Variants in PLCG1 observed in about 807,000 individuals in gnomAD.
PLCG1 encodes the protein 1-phosphatidylinositol 4,5-bisphosphate phosphodiesterase gamma-1.
In PLCG1, 71 loss-of-function variants were observed where a neutral mutation model predicts 177.8. The observed-to-expected ratio is 0.40, with a 90% CI of 0.33 to 0.49. The LOEUF is 0.49. Ranked by LOEUF, PLCG1 falls within the 20% of genes least tolerant of loss-of-function variation. The pLI, the probability that PLCG1 is intolerant of heterozygous loss-of-function variation, is 0.72. For synonymous variants in PLCG1, 658 were observed against 647.9 expected, an observed-to-expected ratio of 1.02 and a Z score of -0.24; for missense variants, 1,281 against 1,709.0, an observed-to-expected ratio of 0.75 and a Z score of 4.42.
rs1469538624 is a variant in PLCG1, at chr20:41,156,822, C to T, written c.218-2784C>T. ...ACTGTGCCAGACTGGATCATTCGCT[C>T]TGTCACCTGCCACCAGGGCAGAGGC... On this transcript the variant is annotated intron_variant, in intron 1 of 31. Coordinates refer to ENST00000685551, the MANE Select transcript of PLCG1 (RefSeq NM_002660.3). This position sits in a 1 kb window ranked among gnomAD's most constrained non-coding sequence, Gnocchi z 5.0. Among the ~76,000 whole-genome samples the T allele has an allele frequency of 6.6e-6, 1 of 152,246 alleles. No homozygotes were observed. The highest frequency in any genetic ancestry group is 6.5e-5 in the Admixed American group (1 of 15,292).
In PLCG1 at chr20:41,151,269, C is replaced by T. The variant is rs952580258; in HGVS notation, c.218-8337C>T. 6.6e-6 allele frequency among the ~76,000 whole-genome samples: 1 copy of T among 152,182 alleles called. No individual in the cohort carries two copies. Among genetic ancestry groups the T allele is most frequent in the African/African-American group, 2.4e-5 (1 of 41,446 alleles). ...TCAGGGATAGCAGCTGCTGTGGGGA[C>T]ACTGCAGAGTGTCCCAGTTCTGCCA... On this transcript the variant is annotated intron_variant, in intron 1 of 31. Coordinates refer to ENST00000685551, the MANE Select transcript of PLCG1 (RefSeq NM_002660.3). This position sits in a 1 kb window ranked among gnomAD's most constrained non-coding sequence, Gnocchi z 5.5.
rs1416323576 is a variant in PLCG1, at chr20:41,163,146, G to A, written c.717-57G>A. On this transcript the variant is annotated intron_variant, in intron 7 of 31. Transcript: ENST00000685551. This position sits in a 1 kb window ranked among gnomAD's most constrained non-coding sequence, Gnocchi z 5.2. ...GGCTGGGAGTTGGGTTCTGCCTTCC[G>A]TGGGGCACCTTGTTGTCTGTTGACC... is the stretch of plus-strand genomic sequence containing the variant. 4.6e-6 allele frequency: 7 copies of A among 1,531,444 alleles called. No individual in the cohort carries two copies. Among genetic ancestry groups the A allele is most frequent in the African/African-American group, 2.7e-5 (2 of 72,786 alleles). The allele number at this position is 1,531,444 out of a possible 1,614,324, so 94.9% of individuals were successfully genotyped here.
rs145031121 is a variant in PLCG1, at chr20:41,163,240, C to T, written c.754C>T (p.Pro252Ser). The T allele has an allele frequency of 1.3e-6, 2 of 1,552,620 alleles. No individual in the cohort carries two copies. The highest frequency in any genetic ancestry group is 1.3e-5 in the South Asian group (1 of 79,800). ...GCCGGAGCTTTGCCGAGTGTCCCTT[C>T]CTGAGTTCCAGCAGTTCCTTCTTGA... The part of the protein sequence containing the change: ...ERPELCRVSL[P>S]EFQQFLLDYQ... The change falls in exon 8 of 32, where the codon CCT becomes TCT. Residue 252 changes from proline to serine, a missense_variant. Coordinates refer to ENST00000685551, the MANE Select transcript of PLCG1 (RefSeq NM_002660.3). This position sits in a 1 kb window ranked among gnomAD's most constrained non-coding sequence, Gnocchi z 5.2.
rs190378028 is a variant in PLCG1, at chr20:41,174,117, G to A, written c.3646-7G>A. 23 of 1,612,556 alleles carry A rather than the reference G, an allele frequency of 1.4e-5. No homozygotes were observed. Among genetic ancestry groups the A allele is most frequent in the East Asian group, 4.5e-5 (2 of 44,826 alleles). ...TTGACCCTCTTGTGCACCTGGCTTC[G>A]TTGAAGCAGGAGAATGGTGACCTCA... On this transcript the variant is annotated splice_polypyrimidine_tract_variant and splice_region_variant and intron_variant, in intron 30 of 31. Coordinates refer to ENST00000685551, the MANE Select transcript of PLCG1 (RefSeq NM_002660.3). The surrounding 1 kb of genome is among the most constrained non-coding windows in gnomAD (Gnocchi z 5.8).
chr20:41,147,792 G>A lies in PLCG1; in HGVS notation c.217+9934G>A, dbSNP rs538812973. 6.6e-5 allele frequency among the ~76,000 whole-genome samples: 10 copies of A among 152,072 alleles called. No homozygotes were observed. The South Asian group carries it at 1.9e-3, about 29-fold the overall frequency. ...GAACCCGGGAGGCAGAGGTTGCAGTGAGCCAAGATCGCGCCATTGCACTCC... is the reference window on the plus strand; with the variant it reads ...GAACCCGGGAGGCAGAGGTTGCAGTAAGCCAAGATCGCGCCATTGCACTCC... On this transcript the variant is annotated intron_variant, in intron 1 of 31. Coordinates refer to ENST00000685551, the MANE Select transcript of PLCG1 (RefSeq NM_002660.3). The surrounding 1 kb of genome is among the most constrained non-coding windows in gnomAD (Gnocchi z 4.0).
In PLCG1 at chr20:41,164,741, G is replaced by C. The variant is rs901432264; in HGVS notation, c.1218-192G>C. Among the ~76,000 whole-genome samples, 4 of 152,146 alleles carry C rather than the reference G, an allele frequency of 2.6e-5. No homozygotes were observed. The highest frequency in any genetic ancestry group is 6.5e-5 in the Admixed American group (1 of 15,286). ...GGGACTGCATCAGTTGCCACCCTTT[G>C]GTTTCCACTGCTGCCACAGCTGTAG... On this transcript the variant is annotated intron_variant, in intron 12 of 31. Transcript: ENST00000685551. The surrounding 1 kb of genome is among the most constrained non-coding windows in gnomAD (Gnocchi z 6.4).
At chr20:41,149,095 A>G (rs1437612756) in intron 1 of PLCG1, among the ~76,000 whole-genome samples, 1 of 152,220 alleles carries the variant, frequency 6.6e-6, no homozygotes, top group Non-Finnish European at 1.5e-5. Context: ...TATGCAAGAA[A>G]TTAGTGTTAG....
chr20:41,154,828 C>G (rs1314719026), intron 1 of PLCG1, among the ~76,000 whole-genome samples: 1 of 152,226 alleles, frequency 6.6e-6, no homozygotes, highest in Non-Finnish European at 1.5e-5. Context: ...TACTCTCCTG[C>G]AGAGGCAGGT....
In PLCG1 at chr20:41,174,262, C is replaced by T. The variant is rs771065174; in HGVS notation, c.3784C>T (p.Arg1262Cys). 17 of 1,614,086 alleles carry T rather than the reference C, an allele frequency of 1.1e-5. No individual in the cohort carries two copies. Among genetic ancestry groups the T allele is most frequent in the African/African-American group, 5.3e-5 (4 of 74,930 alleles). The change falls in exon 31 of 32, where the codon CGC becomes TGC. Residue 1262 changes from arginine to cysteine, a missense_variant. By Grantham distance (180) the Arg-to-Cys change is radical. Around this residue, in one of 4 missense-constraint regions of PLCG1, gnomAD observed 153 missense variants for 153.2 expected, o/e 1.00. Coordinates refer to ENST00000685551, the MANE Select transcript of PLCG1 (RefSeq NM_002660.3). This position sits in a 1 kb window ranked among gnomAD's most constrained non-coding sequence, Gnocchi z 5.8. ...CTACCAGCAGCCGTTTGAGGACTTCCGCATCTCCCAGGAGCATCTCGCAGA... is the reference window on the plus strand; with the variant it reads ...CTACCAGCAGCCGTTTGAGGACTTCTGCATCTCCCAGGAGCATCTCGCAGA... ...SRYQQPFEDFRISQEHLADHF... is the reference protein window; with the variant it reads ...SRYQQPFEDFCISQEHLADHF...
chr20:41,168,984 A>T, intron 21 of PLCG1, 95 bp from the exon 22 acceptor site: 1 of 1,199,280 alleles, frequency 8.3e-7, no homozygotes. Flanking sequence ...TGCCTGCCTC[A>T]CCCTGGCTTA....
At position 41,153,734 on chromosome 20, in the gene PLCG1, A is replaced by G. The variant is rs1306828714; in HGVS notation, c.218-5872A>G. 1.3e-5 allele frequency among the ~76,000 whole-genome samples: 2 copies of G among 152,150 alleles called. No individual in the cohort carries two copies. The highest frequency in any genetic ancestry group is 2.4e-5 in the African/African-American group (1 of 41,430). On this transcript the variant is annotated intron_variant, in intron 1 of 31. Coordinates refer to ENST00000685551, the MANE Select transcript of PLCG1 (RefSeq NM_002660.3). The surrounding 1 kb of genome is among the most constrained non-coding windows in gnomAD (Gnocchi z 5.1). ...AACATGGTGAAACCCCGTCTCTACT[A>G]AAAATACAAAAATCAGCTGGGCATG...
rs1279336210 is a variant in PLCG1, at chr20:41,147,737, A to T, written c.217+9879A>T. Among the ~76,000 whole-genome samples the T allele has an allele frequency of 6.6e-6, 1 of 151,980 alleles. No homozygotes were observed. The highest frequency in any genetic ancestry group is 1.9e-4 in the East Asian group (1 of 5,186). ...GGTGTCAGGCGCCTGTAACCCAGCTACTCAGGAAGCTGAGGCAGGATAATT... is the reference window on the plus strand; with the variant it reads ...GGTGTCAGGCGCCTGTAACCCAGCTTCTCAGGAAGCTGAGGCAGGATAATT... On this transcript the variant is annotated intron_variant, in intron 1 of 31. Transcript: ENST00000685551. This position sits in a 1 kb window ranked among gnomAD's most constrained non-coding sequence, Gnocchi z 4.0.
In PLCG1 at chr20:41,162,236, T is replaced by G. The variant is rs953971509; in HGVS notation, c.513-216T>G. On this transcript the variant is annotated intron_variant, in intron 4 of 31. Coordinates refer to ENST00000685551, the MANE Select transcript of PLCG1 (RefSeq NM_002660.3). ...GTTTTTTTTGTTTGTTTTGTTTTTGTTTTTTTTTTTTTTTTTTTTGCTCAG... is the reference window on the plus strand; with the variant it reads ...GTTTTTTTTGTTTGTTTTGTTTTTGGTTTTTTTTTTTTTTTTTTTGCTCAG... 45 of 89,310 alleles carry G rather than the reference T, an allele frequency of 5.0e-4. 1 individual carries two copies. The South Asian group carries it at 0.011, about 22-fold the overall frequency. The allele number at this position is 89,310 out of a possible 1,614,324, so 5.5% of individuals were successfully genotyped here.
At chr20:41,171,550 G>C (rs2035896252) in intron 24 of PLCG1, among the ~76,000 whole-genome samples, 1 of 127,160 alleles carries the variant, frequency 7.9e-6, no homozygotes, top group Non-Finnish European at 1.6e-5. Context: ...TCACGCCACT[G>C]AACTCCAGCC....
chr20:41,160,730 G>T lies in PLCG1; in HGVS notation c.512+577G>T, dbSNP rs1351312651. ...GAGGGCTTGGATCATGATGGTAATG[G>T]TAGGAAGTGGCTGGATTTTGGCCAT... is the stretch of plus-strand genomic sequence containing the variant. On this transcript the variant is annotated intron_variant, in intron 4 of 31. Transcript: ENST00000685551. The surrounding 1 kb of genome is among the most constrained non-coding windows in gnomAD (Gnocchi z 5.5). 6.6e-6 allele frequency among the ~76,000 whole-genome samples: 1 copy of T among 152,190 alleles called. No homozygotes were observed. The highest frequency in any genetic ancestry group is 1.9e-4 in the East Asian group (1 of 5,194).
Position 41,157,134 on chromosome 20 carries a change from A to C in PLCG1, c.218-2472A>C, listed in dbSNP as rs2866371. Among the ~76,000 whole-genome samples the C allele has an allele frequency of 2.0e-5, 3 of 151,948 alleles. No homozygotes were observed. Among genetic ancestry groups the C allele is most frequent in the African/African-American group, 7.3e-5 (3 of 41,282 alleles). On this transcript the variant is annotated intron_variant, in intron 1 of 31. Coordinates refer to ENST00000685551, the MANE Select transcript of PLCG1 (RefSeq NM_002660.3). This position sits in a 1 kb window ranked among gnomAD's most constrained non-coding sequence, Gnocchi z 5.4. Reference sequence around the variant, plus strand: ...GCTGCGCTATGCTTACCTGGTTCCTATCTCAGGCACCTGTTCTGCCTTCAA... The same window carrying C: ...GCTGCGCTATGCTTACCTGGTTCCTCTCTCAGGCACCTGTTCTGCCTTCAA...
Position 41,158,093 on chromosome 20 carries a change from G to C in PLCG1, c.218-1513G>C, listed in dbSNP as rs1331103981. Among the ~76,000 whole-genome samples the C allele has an allele frequency of 2.0e-5, 3 of 152,190 alleles. No homozygotes were observed. In the East Asian group the frequency reaches 5.8e-4, roughly 29 times the overall value. ...GGACAGGTGGTTCCAGGTAGAACCAGAAATGTGTCGGGGAGCTAGGGTTAG... is the reference window on the plus strand; with the variant it reads ...GGACAGGTGGTTCCAGGTAGAACCACAAATGTGTCGGGGAGCTAGGGTTAG... On this transcript the variant is annotated intron_variant, in intron 1 of 31. Transcript: ENST00000685551.
intron 21 of PLCG1, 83 bp from the exon 22 acceptor site, chr20:41,168,996 G>T (rs1210224649): frequency 3.2e-6 from 4 of 1,238,822 alleles, no homozygotes; most frequent in Non-Finnish European, 4.8e-6. Context: ...CCTGGCTTAG[G>T]CATGGGAACC....
intron 1 of PLCG1, among the ~76,000 whole-genome samples, chr20:41,139,456 G>A (rs1385968081): frequency 6.6e-6 from 1 of 152,130 alleles, no homozygotes; most frequent in Non-Finnish European, 1.5e-5. Flanking sequence ...TTTAAACCAC[G>A]CATATTAGCA....
Sources: gnomAD v4.1 joint callset for allele counts (sites outside exome capture counted in the v4.1 genomes callset) on GRCh38, gnomAD v4.1.1 for gene constraint, gnomAD v4.1.1 regional missense constraint, Gnocchi (gnomAD v3.1) non-coding constraint, MANE v1.5 for transcripts, NCBI Gene and HGNC (gene_info 2026-07-23, HGNC 2026-07-21) for gene names.